Variants in PTPN20 observed in about 807,000 individuals in gnomAD.
PTPN20 encodes the protein protein tyrosine phosphatase non-receptor type 20.
In PTPN20, 9 loss-of-function variants were observed where a neutral mutation model predicts 35.0. The ratio of observed to expected loss-of-function variants is 0.26; its 90% CI spans 0.15 to 0.45. PTPN20 has a LOEUF of 0.45. Among genes scored for constraint, PTPN20 ranks in the 20% least tolerant of loss-of-function variants. PTPN20 has a pLI of 1.00. For missense variants in PTPN20, 111 were observed against 312.5 expected (o/e 0.36, Z 4.86); for synonymous variants, 32 against 100.2 (o/e 0.32, Z 4.06).
downstream of PTPN20, among the ~76,000 whole-genome samples, chr10:47,002,759 A>C (rs1209129959): frequency 6.6e-6 from 1 of 151,910 alleles, no homozygotes; most frequent in Non-Finnish European, 1.5e-5. Flanking sequence ...GTTAGACCAA[A>C]GCTTTTCAGA....
chr10:46,972,583 A>C (rs1449861296), intron 7 of PTPN20, among the ~76,000 whole-genome samples: 1 of 67,456 alleles, frequency 1.5e-5, no homozygotes, highest in African/African-American at 5.0e-5. Context: ...GCAAATGCCC[A>C]TCAACGGAAG....
chr10:46,976,970 G>C (rs1445176339), intron 7 of PTPN20, among the ~76,000 whole-genome samples: 79 of 151,528 alleles, frequency 5.2e-4, no homozygotes, highest in African/African-American at 1.9e-3. Flanking sequence ...CTTGTTTAAT[G>C]GTTAATTTCA....
intron 3 of PTPN20, among the ~76,000 whole-genome samples, chr10:46,941,798 T>C (rs1195035732): frequency 1.4e-5 from 2 of 138,120 alleles, no homozygotes; most frequent in Admixed American, 1.5e-4. Flanking sequence ...AAAAGGATCT[T>C]AGAACATTCC....
intron 9 of PTPN20, among the ~76,000 whole-genome samples, chr10:46,992,210 C>T (rs2082486215): frequency 1.3e-5 from 2 of 151,472 alleles, no homozygotes; most frequent in East Asian, 3.9e-4. Flanking sequence ...ACATCCTCCA[C>T]CTCTCAGGTT....
At chr10:46,993,050 C>A (rs1046299269) in intron 9 of PTPN20, among the ~76,000 whole-genome samples, 5 of 152,132 alleles carry the variant, frequency 3.3e-5, no homozygotes, top group Non-Finnish European at 7.4e-5. Context: ...ATTTCACAGG[C>A]AGTGTATACT....
chr10:46,977,534 T>C (rs2054138995), intron 7 of PTPN20, among the ~76,000 whole-genome samples: 1 of 150,934 alleles, frequency 6.6e-6, no homozygotes, highest in African/African-American at 2.4e-5. Flanking sequence ...ACAGTAGAGA[T>C]ATGCAAAGTA....
rs1328543386 is a variant in PTPN20, at chr10:47,001,593, A to G, written c.*852A>G. On this transcript the variant is annotated 3_prime_UTR_variant, in exon 11 of 11. Coordinates refer to ENST00000374339, the MANE Select transcript of PTPN20 (RefSeq NM_001042357.5). The stretch of plus-strand genomic sequence containing the variant: ...TAAAGTTTGATATAGGCATTATTAT[A>G]TAATTCTGAGTCATTCATGGTATCT... The G allele has an allele frequency of 2.6e-5, 4 of 152,104 alleles. No homozygotes were observed. The highest frequency in any genetic ancestry group is 5.9e-5 in the Non-Finnish European group (4 of 68,006). The allele number at this position is 152,104 out of a possible 1,614,324, so 9.4% of individuals were successfully genotyped here.
intron 1 of PTPN20, among the ~76,000 whole-genome samples, chr10:46,928,555 C>T (rs1346837597): frequency 1.3e-5 from 2 of 152,150 alleles, no homozygotes; most frequent in Admixed American, 6.5e-5. Flanking sequence ...CACTTTAGCA[C>T]TTCACTTCTC....
At chr10:46,983,811 G>A (rs556783119) in intron 7 of PTPN20, among the ~76,000 whole-genome samples, 12 of 142,982 alleles carry the variant, frequency 8.4e-5, no homozygotes, top group African/African-American at 3.4e-4. Context: ...TGCTGCTCTG[G>A]GTTTGCAGGT....
At chr10:46,996,027 A>G (rs974845483) in intron 9 of PTPN20, among the ~76,000 whole-genome samples, 11 of 152,272 alleles carry the variant, frequency 7.2e-5, no homozygotes, top group African/African-American at 2.6e-4. Flanking sequence ...CTACACTGTT[A>G]TTTTGGAACC....
At chr10:46,981,147 T>C (rs1337650605) in intron 7 of PTPN20, among the ~76,000 whole-genome samples, 19 of 149,330 alleles carry the variant, frequency 1.3e-4, no homozygotes, top group African/African-American at 4.4e-4. Context: ...GAATAGATCT[T>C]GCTAGATAGG....
intron 1 of PTPN20, among the ~76,000 whole-genome samples, 193 bp from the exon 2 acceptor site, chr10:46,932,184 T>A (rs556939578): frequency 6.6e-6 from 1 of 152,090 alleles, no homozygotes; most frequent in East Asian, 1.9e-4. Context: ...CTCTGGTATT[T>A]GAATAAATAA....
chr10:46,986,613 AAGGGGGCTC>A (rs2056935100), intron 8 of PTPN20, among the ~76,000 whole-genome samples: 1 of 75,816 alleles, frequency 1.3e-5, no homozygotes, highest in African/African-American at 7.2e-5. Flanking sequence ...ACTCCACTTC[AAGGGGGCTC>A]AGCACAATAG....
In PTPN20 at chr10:46,946,633, G is replaced by A. The variant is rs1406828107; in HGVS notation, c.298G>A (p.Glu100Lys). 1 of 1,611,310 alleles carries A rather than the reference G, an allele frequency of 6.2e-7. No individual in the cohort carries two copies. The highest frequency in any genetic ancestry group is 2.2e-5 in the East Asian group (1 of 44,838). The change falls in exon 5 of 11, where the codon GAG becomes AAG. Residue 100 changes from glutamate (E) to lysine (K), a missense_variant. Physicochemically the swap from Glu to Lys is moderately conservative, Grantham distance 56. Around this residue, in one of 5 missense-constraint regions of PTPN20, gnomAD observed 13 missense variants for 136.4 expected, o/e 0.10. Coordinates refer to ENST00000374339, the MANE Select transcript of PTPN20 (RefSeq NM_001042357.5). ...AGACAGGTGGAGCAGTGAGGATGAGGAGGCTGCAGGGCCATCACAGGCTCT... is the reference window on the plus strand; with the variant it reads ...AGACAGGTGGAGCAGTGAGGATGAGAAGGCTGCAGGGCCATCACAGGCTCT... ...RRDRWSSEDE[E>K]AAGPSQALSP...
chr10:46,942,961 GAAATCATAATGGAAGTTT>G (rs2043827195), intron 3 of PTPN20, among the ~76,000 whole-genome samples: 1 of 150,858 alleles, frequency 6.6e-6, no homozygotes, highest in Non-Finnish European at 1.5e-5. Context: ...AGTCAAAGAA[GAAATCATAATGGAAGTTT>G]AAAGTATTTA....
downstream of PTPN20, among the ~76,000 whole-genome samples, chr10:47,002,831 T>A (rs1430189908): frequency 6.6e-6 from 1 of 151,968 alleles, no homozygotes; most frequent in Non-Finnish European, 1.5e-5. Context: ...CCTTTGGACC[T>A]TTTACCCCCA....
At chr10:46,984,200 A>T (rs2056383216) in intron 7 of PTPN20, 30 bp from the exon 8 acceptor site, 1 of 1,611,450 alleles carries the variant, frequency 6.2e-7, no homozygotes. Flanking sequence ...TCCCACCTTT[A>T]TCTACCAGAT....
At chr10:46,930,465 C>A (rs1208248875) in intron 1 of PTPN20, among the ~76,000 whole-genome samples, 1 of 150,416 alleles carries the variant, frequency 6.6e-6, no homozygotes, top group Non-Finnish European at 1.5e-5. Flanking sequence ...TAGGCAGAAG[C>A]TTAGGTGTCA....
intron 10 of PTPN20, 91 bp downstream of exon 10, chr10:47,000,065 A>G: frequency 6.5e-7 from 1 of 1,548,362 alleles, no homozygotes; most frequent in Non-Finnish European, 8.9e-7. Context: ...TCTTTTATTG[A>G]CATAATCTCA....
Sources: allele counts gnomAD v4.1 joint callset (sites outside exome capture counted in the v4.1 genomes callset), GRCh38; gene constraint gnomAD v4.1.1; regional missense constraint gnomAD v4.1.1; transcripts MANE v1.5; gene names NCBI Gene and HGNC (gene_info 2026-07-23, HGNC 2026-07-21).